MRGPRX3: variants seen among roughly 807,000 people sequenced by gnomAD.
The protein encoded by MRGPRX3 is MAS related GPR family member X3, also known as mas-related G protein-coupled receptor member X3.
Under a neutral mutation model 16.5 loss-of-function variants are expected in MRGPRX3, and 14 were observed. The ratio of observed to expected loss-of-function variants is 0.85; its 90% CI spans 0.56 to 1.33. The LOEUF (loss-of-function observed/expected upper bound fraction) is 1.33. Ranked by LOEUF, MRGPRX3 falls within the 40% of genes most tolerant of loss-of-function variation. The pLI is 0.00. For synonymous variants in MRGPRX3, 199 were observed against 180.1 expected (o/e 1.10, Z -0.84); for missense variants, 449 against 413.0 (o/e 1.09, Z -0.76).
chr11:18,122,699 C>A (rs1848852138), intron 1 of MRGPRX3, among the ~76,000 whole-genome samples: 1 of 152,110 alleles, frequency 6.6e-6, no homozygotes, highest in Non-Finnish European at 1.5e-5. Context: ...TGGGTATATA[C>A]CCAGTAATGG....
At chr11:18,124,782 C>T (rs1210030687) in intron 1 of MRGPRX3, among the ~76,000 whole-genome samples, 5 of 152,136 alleles carry the variant, frequency 3.3e-5, no homozygotes, top group African/African-American at 9.7e-5. Context: ...CCTCCTTGTA[C>T]CTCTGGTAGA....
chr11:18,137,664 T>C lies in MRGPRX3; in HGVS notation c.462T>C (p.Ser154=), dbSNP rs1590308802. The change falls in exon 2 of 2, where the codon AGT becomes AGC. Residue 154 remains serine, a synonymous_variant. Transcript: ENST00000621697. ...VLLWALSLLR[S]ILEWMFCDFL... ...TCTGGGCCCTGTCCCTGCTGCGGAG[T>C]ATCCTGGAGTGGATGTTCTGTGACT... 17 of 1,614,120 alleles carry C rather than the reference T, an allele frequency of 1.1e-5. No homozygotes were observed. Among genetic ancestry groups the C allele is most frequent in the African/African-American group, 1.3e-5 (1 of 75,020 alleles).
upstream of MRGPRX3, among the ~76,000 whole-genome samples, chr11:18,129,511 C>T (rs1848938947): frequency 2.6e-5 from 4 of 152,132 alleles, 1 homozygote; most frequent in South Asian, 8.3e-4. Context: ...TCTGAACAGA[C>T]CAATAAAAAG....
At position 18,137,242 on chromosome 11, in the gene MRGPRX3, C is replaced by T. The variant is rs752643432; in HGVS notation, c.40C>T (p.Pro14Ser). 1.2e-6 allele frequency: 2 copies of T among 1,612,152 alleles called. No individual in the cohort carries two copies. The highest frequency in any genetic ancestry group is 3.3e-5 in the Admixed American group (2 of 59,914). Residue 14 changes from proline to serine, a missense_variant, in exon 2 of 2, where the codon CCA becomes TCA. Physicochemically the swap from Pro to Ser is moderately conservative, Grantham distance 74. Transcript: ENST00000621697. ...CCCAGTCTTGGGTACAGAACTGACA[C>T]CAATCAACGGACGTGAGGAGACTCC... ...TIPVLGTELT[P>S]INGREETPCY...
rs1488825842 is a variant in MRGPRX3, at chr11:18,138,014, T to G, written c.812T>G (p.Ile271Ser). ...CTTAACAGCAGTGCCAACCCCATCA[T>G]TTACTTCTTCGTGGGCTCCTTTAGG... ...SALNSSANPI[I>S]YFFVGSFRQR... Residue 271 changes from isoleucine (I) to serine (S), a missense_variant, in exon 2 of 2, where the codon ATT becomes AGT. Transcript: ENST00000621697. 3.1e-6 allele frequency: 5 copies of G among 1,614,076 alleles called. No homozygotes were observed. Among genetic ancestry groups the G allele is most frequent in the Non-Finnish European group, 4.2e-6 (5 of 1,180,034 alleles).
intron 1 of MRGPRX3, among the ~76,000 whole-genome samples, chr11:18,125,411 A>G (rs1371678371): frequency 6.6e-6 from 1 of 152,180 alleles, no homozygotes; most frequent in Non-Finnish European, 1.5e-5. Flanking sequence ...TTGGTTTCAA[A>G]GAACATATTT....
chr11:18,130,898 A>G (rs1848955387), upstream of MRGPRX3, among the ~76,000 whole-genome samples: 2 of 152,184 alleles, frequency 1.3e-5, no homozygotes, highest in Non-Finnish European at 2.9e-5. Flanking sequence ...TAGCCAACTG[A>G]TTTTTGACAA....
At chr11:18,127,746 C>T (rs142514062), upstream of MRGPRX3, among the ~76,000 whole-genome samples, 24 of 152,274 alleles carry the variant, frequency 1.6e-4, no homozygotes, top group East Asian at 3.5e-3. Flanking sequence ...GTAGTTTGAT[C>T]GTCTGAAGGC....
chr11:18,123,951 T>C (rs941133605), intron 1 of MRGPRX3, among the ~76,000 whole-genome samples: 4 of 152,112 alleles, frequency 2.6e-5, no homozygotes, highest in Admixed American at 6.5e-5. Context: ...TTTGAAGCAA[T>C]TGTGAATAGG....
Position 18,138,138 on chromosome 11 carries a change from C to T in MRGPRX3, c.936C>T (p.Thr312=), listed in dbSNP as rs776713093. Residue 312 remains threonine, a synonymous_variant, in exon 2 of 2, where the codon ACC becomes ACT. Transcript: ENST00000621697. ...DEGGGWLPQE[T]LELSGSRLEQ is the part of the protein sequence containing the mutation. ...GTGGAGGGTGGCTTCCTCAGGAAAC[C>T]CTGGAGCTGTCGGGAAGCAGATTGG... 1 of 1,613,330 alleles carries T rather than the reference C, an allele frequency of 6.2e-7. No individual in the cohort carries two copies.
Position 18,137,985 on chromosome 11 carries a change from C to G in MRGPRX3, c.783C>G (p.Ser261=). The G allele has an allele frequency of 6.2e-7, 1 of 1,614,088 alleles. No homozygotes were observed. The highest frequency in any genetic ancestry group is 8.5e-7 in the Non-Finnish European group (1 of 1,180,012). The change falls in exon 2 of 2, where the codon TCC becomes TCG. Residue 261 remains serine (S), a synonymous_variant. Transcript: ENST00000621697. ...CHVHLVSIFL[S]ALNSSANPII... ...TGCATCTAGTTTCCATTTTCCTGTC[C>G]GCTCTTAACAGCAGTGCCAACCCCA...
Position 18,137,568 on chromosome 11 carries a change from G to C in MRGPRX3, c.366G>C (p.Leu122=). ...GCGCCATCAGCACCGAGCGCTGCCT[G>C]TCCATCCTGTGGCCCATCTGGTACC... The part of the protein sequence containing the change: ...MLSAISTERC[L]SILWPIWYHC... The change falls in exon 2 of 2, where the codon CTG becomes CTC. Residue 122 remains leucine, a synonymous_variant. Transcript: ENST00000621697. 1.2e-6 allele frequency: 2 copies of C among 1,614,148 alleles called. No homozygotes were observed. Among genetic ancestry groups the C allele is most frequent in the Non-Finnish European group, 8.5e-7 (1 of 1,180,046 alleles).
chr11:18,136,129 C>T lies in MRGPRX3; in HGVS notation c.-25-1049C>T, dbSNP rs117045444. Among the ~76,000 whole-genome samples the T allele has an allele frequency of 8.5e-3, 1,288 of 152,270 alleles. 8 individuals carry two copies. The highest frequency in any genetic ancestry group is 0.017 in the Middle Eastern group (5 of 294). On this transcript the variant is annotated intron_variant, in intron 1 of 1. Transcript: ENST00000621697. ...ACAAATGTTTGCATCAACAAAGAAA[C>T]GCTACCAAAGATCTCCCGAAAGAGA... is the stretch of plus-strand genomic sequence containing the variant.
At chr11:18,128,346 CT>C (rs1364032477), upstream of MRGPRX3, among the ~76,000 whole-genome samples, 3 of 152,250 alleles carry the variant, frequency 2.0e-5, no homozygotes, top group Admixed American at 6.5e-5. Context: ...TTTCTGCTGC[CT>C]TTTGTTTGGC....
At chr11:18,132,393 A>T (rs999221730), upstream of MRGPRX3, 19 of 152,216 alleles carry the variant, frequency 1.2e-4, no homozygotes, top group African/African-American at 4.3e-4. Context: ...ATTGATTTTT[A>T]AAATCAGGAC....
At chr11:18,130,358 A>C (rs1242326848), upstream of MRGPRX3, among the ~76,000 whole-genome samples, 2 of 152,214 alleles carry the variant, frequency 1.3e-5, no homozygotes, top group East Asian at 3.8e-4. Context: ...AATGTACACA[A>C]ATCAGTAGCA....
At chr11:18,122,582 A>G (rs554639606) in intron 1 of MRGPRX3, among the ~76,000 whole-genome samples, 60 of 152,254 alleles carry the variant, frequency 3.9e-4, no homozygotes, top group African/African-American at 1.4e-3. Context: ...CATCCAGTCT[A>G]TCATTTTTGG....
At chr11:18,130,156 A>G (rs1025293550), upstream of MRGPRX3, among the ~76,000 whole-genome samples, 2 of 152,182 alleles carry the variant, frequency 1.3e-5, no homozygotes, top group Non-Finnish European at 2.9e-5. Flanking sequence ...TCTATTCAAC[A>G]TAGTAGTGGA....
At chr11:18,131,306 G>A (rs752517094), upstream of MRGPRX3, among the ~76,000 whole-genome samples, 16 of 151,900 alleles carry the variant, frequency 1.1e-4, no homozygotes, top group Non-Finnish European at 2.1e-4. Flanking sequence ...ACTAATATCC[G>A]GAATCCACAA....
Sources: gnomAD v4.1 joint callset for allele counts (sites outside exome capture counted in the v4.1 genomes callset) on GRCh38, gnomAD v4.1.1 for gene constraint, MANE v1.5 for transcripts, NCBI Gene and HGNC (gene_info 2026-07-23, HGNC 2026-07-21) for gene names.